Variants in SORCS1 observed in about 807,000 individuals in gnomAD.
SORCS1 encodes VPS10 domain-containing receptor SorCS1.
A neutral mutation model predicts 146.1 loss-of-function variants in SORCS1; 60 were observed. The ratio of observed to expected loss-of-function variants is 0.41; its 90% CI spans 0.33 to 0.51. The LOEUF (loss-of-function observed/expected upper bound fraction) is 0.51, where lower values mean the gene tolerates loss of function less well. Ranked by LOEUF, SORCS1 falls within the 20% of genes least tolerant of loss-of-function variation. The pLI is 0.21. For synonymous variants in SORCS1, 637 were observed against 584.0 expected (o/e 1.09, Z -1.31); for missense variants, 1,352 against 1,487.6 (o/e 0.91, Z 1.50).
chr10:107,171,643 G>A, the SORCS1 span, among the ~76,000 whole-genome samples: 2 of 149,092 alleles, frequency 1.3e-5, no homozygotes, highest in Non-Finnish European at 1.5e-5. Flanking sequence ...CAGCCTCCCA[G>A]GTATCTGGGA....
chr10:107,042,158 C>T (rs1959171116), intron 1 of SORCS1, among the ~76,000 whole-genome samples: 1 of 152,184 alleles, frequency 6.6e-6, no homozygotes, highest in African/African-American at 2.4e-5. Flanking sequence ...ACAAATCAGA[C>T]AGCCACGGAT....
intron 10 of SORCS1, among the ~76,000 whole-genome samples, chr10:106,684,468 T>C (rs1852673774): frequency 1.3e-5 from 2 of 152,180 alleles, no homozygotes; most frequent in Non-Finnish European, 2.9e-5. Context: ...ATCTTGCCCC[T>C]TGGGAGCCCA....
At chr10:106,661,508 A>G (rs1850726457) in intron 17 of SORCS1, among the ~76,000 whole-genome samples, 1 of 152,222 alleles carries the variant, frequency 6.6e-6, no homozygotes, top group African/African-American at 2.4e-5. Flanking sequence ...CTGTGGATTC[A>G]TAATAAAAGT....
intron 1 of SORCS1, among the ~76,000 whole-genome samples, chr10:107,104,127 G>A (rs1295176514): frequency 6.6e-6 from 1 of 150,928 alleles, no homozygotes; most frequent in Non-Finnish European, 1.5e-5. Flanking sequence ...TCAAGGAAAT[G>A]TACTGCCAGT....
At chr10:107,150,464 C>G (rs958451983) in intron 1 of SORCS1, among the ~76,000 whole-genome samples, 26 of 152,240 alleles carry the variant, frequency 1.7e-4, no homozygotes, top group African/African-American at 6.0e-4. Context: ...GAGTGGCTAC[C>G]TGTGCTAACC....
chr10:107,074,416 G>A (rs1962710121), intron 1 of SORCS1, among the ~76,000 whole-genome samples: 2 of 152,080 alleles, frequency 1.3e-5, no homozygotes, highest in African/African-American at 4.8e-5. Flanking sequence ...TTTTCTGGAT[G>A]GTGCCACAGT....
chr10:107,084,693 T>C (rs1963630105), intron 1 of SORCS1, among the ~76,000 whole-genome samples: 1 of 151,832 alleles, frequency 6.6e-6, no homozygotes, highest in African/African-American at 2.4e-5. Flanking sequence ...CTTCTCCATC[T>C]GAAAGGTAGA....
chr10:106,931,116 TAAG>T (rs368573775), intron 2 of SORCS1, among the ~76,000 whole-genome samples: 4 of 152,300 alleles, frequency 2.6e-5, no homozygotes, highest in African/African-American at 9.6e-5. Context: ...TTCCTAATTT[TAAG>T]AAGACTCATA....
intron 3 of SORCS1, among the ~76,000 whole-genome samples, chr10:106,825,333 G>A (rs770188082): frequency 1.2e-4 from 18 of 147,474 alleles, no homozygotes; most frequent in Non-Finnish European, 1.9e-4. Flanking sequence ...GTGCAGTGGC[G>A]CGATCTCAGC....
At chr10:106,750,765 A>G (rs1331766243) in intron 5 of SORCS1, among the ~76,000 whole-genome samples, 1 of 124,194 alleles carries the variant, frequency 8.1e-6, no homozygotes, top group Non-Finnish European at 1.7e-5. Flanking sequence ...AAAAAAAGAA[A>G]AGAAAAAGAA....
intron 1 of SORCS1, among the ~76,000 whole-genome samples, chr10:107,002,948 A>G (rs1229871993): frequency 2.0e-5 from 3 of 152,100 alleles, no homozygotes; most frequent in Admixed American, 1.3e-4. Context: ...CACTGGGCCC[A>G]CTCATTACTA....
Position 106,776,594 on chromosome 10 carries a change from T to A in SORCS1, c.825A>T (p.Gln275His). 1.9e-6 allele frequency: 3 copies of A among 1,614,048 alleles called. No individual in the cohort carries two copies. Among genetic ancestry groups the A allele is most frequent in the Non-Finnish European group, 2.5e-6 (3 of 1,179,954 alleles). The change falls in exon 4 of 26, where the codon CAA (glutamine) becomes CAT (histidine). Residue 275 changes from glutamine to histidine, a missense_variant. Coordinates refer to ENST00000263054, the MANE Select transcript of SORCS1 (RefSeq NM_052918.5). The stretch of plus-strand genomic sequence containing the variant: ...CTTGTTTGGGGTGAAAAAGCAAGCT[T>A]TGAATGTAGAAGTTCAGCCGGTACT... ...YQKYRLNFYI[Q>H]SLLFHPKQED...
At chr10:107,173,714 T>C in the SORCS1 span, among the ~76,000 whole-genome samples, 2 of 152,224 alleles carry the variant, frequency 1.3e-5, no homozygotes, top group Non-Finnish European at 2.9e-5. Flanking sequence ...TTTCTTTGTA[T>C]GTATATGGCA....
At chr10:107,168,242 C>T (rs767163110), upstream of SORCS1, among the ~76,000 whole-genome samples, 2 of 152,138 alleles carry the variant, frequency 1.3e-5, no homozygotes, top group African/African-American at 4.8e-5. Context: ...ATGGCTGACT[C>T]CTCTTTTTTG....
chr10:106,720,151 C>T (rs1238129756), intron 6 of SORCS1, among the ~76,000 whole-genome samples: 1 of 152,166 alleles, frequency 6.6e-6, no homozygotes, highest in Non-Finnish European at 1.5e-5. Context: ...TTTTTTATAA[C>T]ATCTCCCCTA....
chr10:107,082,762 C>A (rs1228261557), intron 1 of SORCS1, among the ~76,000 whole-genome samples: 1 of 152,114 alleles, frequency 6.6e-6, no homozygotes, highest in Non-Finnish European at 1.5e-5. Context: ...CAGGTGTAAG[C>A]CACTGTACCT....
chr10:106,687,343 A>T (rs1446215770), intron 10 of SORCS1, among the ~76,000 whole-genome samples: 1 of 152,194 alleles, frequency 6.6e-6, no homozygotes, highest in African/African-American at 2.4e-5. Context: ...AATTCATACT[A>T]ATCTATATAC....
At chr10:106,578,493 C>G in intron 25 of SORCS1, 1 of 213,518 alleles carries the variant, frequency 4.7e-6, no homozygotes, top group Non-Finnish European at 8.1e-6. Context: ...TGGATGTCTG[C>G]AAACATTATG....
intron 2 of SORCS1, among the ~76,000 whole-genome samples, chr10:106,881,799 G>A (rs549312211): frequency 6.6e-6 from 1 of 152,228 alleles, no homozygotes; most frequent in Admixed American, 6.5e-5. Context: ...CCTGTGAATT[G>A]GTAATAATTA....
Sources: allele counts gnomAD v4.1 joint callset (sites outside exome capture counted in the v4.1 genomes callset), GRCh38; gene constraint gnomAD v4.1.1; transcripts MANE v1.5; gene names NCBI Gene and HGNC (gene_info 2026-07-23, HGNC 2026-07-21).